Variants in CTSK observed in about 807,000 individuals in gnomAD.
The protein encoded by CTSK is cathepsin O.
A neutral mutation model predicts 40.5 loss-of-function variants in CTSK; 26 were observed. That is an observed-to-expected ratio of 0.64 (90% CI 0.47 to 0.89). The LOEUF is 0.89. Ranked by LOEUF, CTSK falls within the 40% of genes least tolerant of loss-of-function variation. CTSK has a pLI of 0.00. For synonymous variants in CTSK, 132 were observed against 143.2 expected, an observed-to-expected ratio of 0.92 and a Z score of 0.56; for missense variants, 292 against 400.1, an observed-to-expected ratio of 0.73 and a Z score of 2.30.
chr1:150,804,309 G>T, intron 4 of CTSK, 70 bp from the exon 5 acceptor site: 1 of 1,263,382 alleles, frequency 7.9e-7, no homozygotes, highest in Non-Finnish European at 1.1e-6. Flanking sequence ...CTACCTGCCT[G>T]AAGAAATTCC....
intron 7 of CTSK, 44 bp from the exon 8 acceptor site, chr1:150,796,942 T>G (rs768356426): frequency 1.2e-5 from 15 of 1,283,996 alleles, no homozygotes; most frequent in Non-Finnish European, 1.7e-5. Context: ...CTCAGTTTAT[T>G]TATTCATTAA....
At chr1:150,799,503 A>C (rs758849983) in intron 6 of CTSK, 41 bp downstream of exon 6, 10 of 1,610,910 alleles carry the variant, frequency 6.2e-6, no homozygotes, top group Non-Finnish European at 8.5e-6. Context: ...TCAAGTTTGT[A>C]TCATAAAAGA....
intron 5 of CTSK, among the ~76,000 whole-genome samples, chr1:150,803,082 G>A (rs1000036561): frequency 1.3e-5 from 2 of 152,154 alleles, no homozygotes; most frequent in African/African-American, 4.8e-5. Context: ...TAAAGTTGAA[G>A]ACAGACATAC....
chr1:150,807,288 A>C, intron 1 of CTSK: 1 of 471,636 alleles, frequency 2.1e-6, no homozygotes, highest in Middle Eastern at 3.2e-4. Context: ...CCTCCTGATC[A>C]TTTCTTCGAG....
intron 7 of CTSK, 151 bp from the exon 8 acceptor site, chr1:150,797,049 A>C (rs1212891830): frequency 8.6e-6 from 6 of 698,278 alleles, no homozygotes; most frequent in Non-Finnish European, 1.6e-5. Flanking sequence ...AATAGGGAGA[A>C]GGCATAATAC....
intron 1 of CTSK, chr1:150,807,325 C>T (rs1175430063): frequency 2.1e-6 from 1 of 471,396 alleles, no homozygotes; most frequent in Non-Finnish European, 4.4e-6. Context: ...TGCCTAAATT[C>T]TGGTACTTTC....
At chr1:150,805,062 A>T (rs1157012918) in intron 4 of CTSK, among the ~76,000 whole-genome samples, 1 of 151,916 alleles carries the variant, frequency 6.6e-6, no homozygotes, top group Non-Finnish European at 1.5e-5. Context: ...AAATTTTTTA[A>T]AATTAGCTGG....
At position 150,805,836 on chromosome 1, in the gene CTSK, GCACACC is replaced by G. The variant is rs770173800; in HGVS notation, c.399+19_399+24del. The G allele has an allele frequency of 6.2e-7, 1 of 1,613,176 alleles. No homozygotes were observed. Among genetic ancestry groups the G allele is most frequent in the Admixed American group, 1.7e-5 (1 of 59,996 alleles). ...GAAAAGGTCATGCCAGATTACATAT[GCACACC>G]CAGAAGAAAGGAGAGTACCTGATTT... On this transcript the variant is annotated intron_variant, in intron 4 of 7. Transcript: ENST00000271651.
chr1:150,796,948 AT>A (rs1288224777), intron 7 of CTSK, 50 bp from the exon 8 acceptor site: 1 of 1,243,052 alleles, frequency 8.0e-7, no homozygotes, highest in South Asian at 1.2e-5. Context: ...TTATTTATTC[AT>A]TAAAATATTT....
In CTSK at chr1:150,804,126, C is replaced by T. The variant is rs372083237; in HGVS notation, c.513G>A (p.Val171=). The part of the protein sequence containing the change: ...NLSPQNLVDC[V]SENDGCGGGY... ...CCCCTCCACAGCCATCATTCTCAGA[C>T]ACACAATCCACTAGGTTCTGGGGAC... The change falls in exon 5 of 8, where the codon GTG becomes GTA. Residue 171 remains valine (V), a synonymous_variant. Transcript: ENST00000271651. 76 of 1,614,204 alleles carry T rather than the reference C, an allele frequency of 4.7e-5. No individual in the cohort carries two copies. The Middle Eastern group carries it at 4.9e-4, about 11-fold the overall frequency.
In CTSK at chr1:150,796,420, C is replaced by T; in HGVS notation, c.*379G>A. On this transcript the variant is annotated 3_prime_UTR_variant, in exon 8 of 8. Coordinates refer to ENST00000271651, the MANE Select transcript of CTSK (RefSeq NM_000396.4). ...ACTTAGGAAGTGAGAAGTCAGATTA[C>T]CCTAGTCCTCTAGGGTGCTTAAAGC... The T allele has an allele frequency of 3.3e-6, 1 of 307,174 alleles. No homozygotes were observed. Among genetic ancestry groups the T allele is most frequent in the Non-Finnish European group, 6.2e-6 (1 of 161,050 alleles). The allele number at this position is 307,174 out of a possible 1,614,324, so 19.0% of individuals were successfully genotyped here. A position where few individuals can be genotyped will look rare whatever the true frequency, so the allele number is the denominator to read the frequency against.
intron 5 of CTSK, among the ~76,000 whole-genome samples, chr1:150,802,051 G>A (rs910517034): frequency 6.7e-6 from 1 of 148,260 alleles, no homozygotes; most frequent in Admixed American, 6.7e-5. Context: ...GCCGAGGCGG[G>A]CGGACCACCT....
intron 1 of CTSK, chr1:150,807,353 A>G (rs1442871531): frequency 2.1e-6 from 1 of 471,124 alleles, no homozygotes; most frequent in African/African-American, 2.0e-5. Context: ...TTGTCAGAAG[A>G]GGACAAGGGA....
rs1426414496 is a variant in CTSK, at chr1:150,799,630, T to G, written c.698A>C (p.Lys233Thr). 1 of 1,614,066 alleles carries G rather than the reference T, an allele frequency of 6.2e-7. No homozygotes were observed. Among genetic ancestry groups the G allele is most frequent in the East Asian group, 2.2e-5 (1 of 44,894 alleles). Residue 233 changes from lysine to threonine, a missense_variant, in exon 6 of 8, where the codon AAA becomes ACA. By Grantham distance (78) the Lys-to-Thr change is moderately conservative. Transcript: ENST00000271651. ...TCGGGCCACTGCCCTCTTCAGGGCT[T>G]TCTCATTCCCCTCGGGGATCTCTCT... ...GYREIPEGNE[K>T]ALKRAVARVG...
intron 7 of CTSK, among the ~76,000 whole-genome samples, chr1:150,798,525 T>C (rs930887292): frequency 6.6e-6 from 1 of 152,208 alleles, no homozygotes; most frequent in Admixed American, 6.5e-5. Context: ...TTGGTTTATG[T>C]ATGTCACTAA....
At chr1:150,804,852 C>T (rs1654055212) in intron 4 of CTSK, among the ~76,000 whole-genome samples, 1 of 152,104 alleles carries the variant, frequency 6.6e-6, no homozygotes, top group Admixed American at 6.6e-5. Context: ...CTTGCTGATA[C>T]AATCCTGTGT....
intron 1 of CTSK, chr1:150,807,352 G>A: frequency 2.1e-6 from 1 of 471,292 alleles, no homozygotes; most frequent in Non-Finnish European, 4.4e-6. Context: ...CTTGTCAGAA[G>A]AGGACAAGGG....
intron 5 of CTSK, among the ~76,000 whole-genome samples, chr1:150,802,991 A>G (rs1282525134): frequency 6.6e-6 from 1 of 152,198 alleles, no homozygotes; most frequent in East Asian, 1.9e-4. Context: ...TACTGATAAA[A>G]AGGTGATTGA....
intron 5 of CTSK, 53 bp downstream of exon 5, chr1:150,803,968 T>C: frequency 7.1e-7 from 1 of 1,414,928 alleles, no homozygotes; most frequent in Non-Finnish European, 1.0e-6. Context: ...CAAAACATCA[T>C]GCTGGGGAAG....
Sources: gnomAD v4.1 joint callset for allele counts (sites outside exome capture counted in the v4.1 genomes callset) on GRCh38, gnomAD v4.1.1 for gene constraint, MANE v1.5 for transcripts, NCBI Gene and HGNC (gene_info 2026-07-23, HGNC 2026-07-21) for gene names.